Variants in HDX observed in about 807,000 individuals in gnomAD.
HDX encodes the protein highly divergent homeobox, also known as chromosome X open reading frame 43.
A neutral mutation model predicts 45.2 loss-of-function variants in HDX; 19 were observed. The ratio of observed to expected loss-of-function variants is 0.42; its 90% CI spans 0.29 to 0.62. The LOEUF is 0.62. Among genes scored for constraint, HDX ranks in the 20% least tolerant of loss-of-function variants. The pLI is 0.20. For synonymous variants in HDX, 188 were observed against 172.8 expected (o/e 1.09, Z -0.69); for missense variants, 532 against 493.9 (o/e 1.08, Z -0.73).
chrX:84,374,730 T>C (rs1234903130), intron 5 of HDX, among the ~76,000 whole-genome samples: 5 of 109,351 alleles, frequency 4.6e-5, no homozygotes, highest in Non-Finnish European at 9.5e-5. Context: ...TTACACCTTA[T>C]ACAAAAACTA....
chrX:84,484,537 C>T (rs764023583), intron 2 of HDX, among the ~76,000 whole-genome samples: 9 of 111,146 alleles, frequency 8.1e-5, no homozygotes, highest in Non-Finnish European at 1.5e-4. Flanking sequence ...ACAGGTCCCG[C>T]CCACAACACA....
chrX:84,439,493 C>T (rs2039714880), intron 5 of HDX, among the ~76,000 whole-genome samples: 1 of 110,826 alleles, frequency 9.0e-6, no homozygotes, highest in Non-Finnish European at 1.9e-5. Flanking sequence ...CAATGTTGAG[C>T]AGGGTATTCC....
At chrX:84,443,968 T>G (rs1192938262) in intron 4 of HDX, among the ~76,000 whole-genome samples, 1 of 111,535 alleles carries the variant, frequency 9.0e-6, no homozygotes, top group African/African-American at 3.2e-5. Context: ...ATAAGACAGG[T>G]ACATGAATGT....
rs185920861 is a variant in HDX at position 84,364,389 on chromosome X, C to T, written c.1306-2777G>A. ...CTCAGTCTTTTTTTAGTGACAAGAA[C>T]ACAATGTGACATCAACCTTCCTAAC... is the stretch of plus-strand genomic sequence containing the variant. On this transcript the variant is annotated intron_variant, in intron 5 of 10. Coordinates refer to ENST00000373177, the MANE Select transcript of HDX (RefSeq NM_001177479.2). Among the ~76,000 whole-genome samples, 42 of 107,687 alleles carry T rather than the reference C, an allele frequency of 3.9e-4. No individual in the cohort carries two copies. The East Asian group carries it at 0.011, about 29-fold the overall frequency. The allele number at this position is 107,687 out of a possible 115,157, so 93.5% of individuals were successfully genotyped here. A position where few individuals can be genotyped will look rare whatever the true frequency, so the allele number is the denominator to read the frequency against.
Position 84,461,821 on chromosome X carries a change from A to G in HDX, c.1251+6651T>C, listed in dbSNP as rs189359219. Among the ~76,000 whole-genome samples the G allele has an allele frequency of 2.0e-3, 221 of 112,334 alleles. 2 individuals carry two copies. The highest frequency in any genetic ancestry group is 6.9e-3 in the African/African-American group (214 of 31,011). On this transcript the variant is annotated intron_variant, in intron 4 of 10. Transcript: ENST00000373177. Reference sequence around the variant, plus strand: ...TAAGGAGCTCAAACAACTCTATAAGAAAAAAATCTAACAATCTGATTAAGT... The same window carrying G: ...TAAGGAGCTCAAACAACTCTATAAGGAAAAAATCTAACAATCTGATTAAGT...
intron 2 of HDX, among the ~76,000 whole-genome samples, chrX:84,482,431 G>A (rs1167767721): frequency 9.0e-6 from 1 of 111,614 alleles, no homozygotes; most frequent in Non-Finnish European, 1.9e-5. Flanking sequence ...AATCATGGCA[G>A]AAGGGAAAGC....
At chrX:84,461,659 A>C (rs779884063) in intron 4 of HDX, among the ~76,000 whole-genome samples, 1 of 112,023 alleles carries the variant, frequency 8.9e-6, no homozygotes, top group Admixed American at 9.5e-5. Flanking sequence ...GCAAAAATGG[A>C]CAAATGGGAT....
chrX:84,476,572 AAAAG>A (rs1300570391), intron 2 of HDX, among the ~76,000 whole-genome samples: 5 of 107,016 alleles, frequency 4.7e-5, no homozygotes, highest in Non-Finnish European at 9.6e-5. Flanking sequence ...AAGAGGAAAG[AAAAG>A]AAAGGAAGGA....
chrX:84,418,205 A>G (rs2039159931), intron 5 of HDX, among the ~76,000 whole-genome samples: 1 of 112,018 alleles, frequency 8.9e-6, no homozygotes, highest in African/African-American at 3.2e-5. Context: ...AGAATCAGAG[A>G]AAAGTTACAC....
At chrX:84,445,861 A>C (rs1394167708) in intron 4 of HDX, among the ~76,000 whole-genome samples, 2 of 111,711 alleles carry the variant, frequency 1.8e-5, no homozygotes, top group South Asian at 3.7e-4. Flanking sequence ...GTGCTTAGAA[A>C]ACTATTAGCC....
intron 5 of HDX, among the ~76,000 whole-genome samples, chrX:84,405,251 C>G (rs73625982): frequency 0.07 from 7,715 of 110,083 alleles, 325 homozygotes; most frequent in African/African-American, 0.16. Flanking sequence ...CTAAGTCCAA[C>G]TTATTTTCTC....
chrX:84,356,393 T>C (rs2037484454), intron 6 of HDX, among the ~76,000 whole-genome samples: 1 of 111,270 alleles, frequency 9.0e-6, no homozygotes, highest in Non-Finnish European at 1.9e-5. Context: ...TTCCTTATTC[T>C]TTCATCTAAT....
At chrX:84,430,210 A>T (rs1334339082) in intron 5 of HDX, among the ~76,000 whole-genome samples, 1 of 110,709 alleles carries the variant, frequency 9.0e-6, no homozygotes, top group Non-Finnish European at 1.9e-5. Context: ...CTTCTGTACT[A>T]CTTTGGCTTC....
intron 1 of HDX, among the ~76,000 whole-genome samples, chrX:84,490,421 A>G (rs1343521377): frequency 2.7e-5 from 3 of 111,558 alleles, no homozygotes; most frequent in Non-Finnish European, 5.7e-5. Context: ...ATTGCTACAC[A>G]TTTTGCTTTT....
intron 7 of HDX, among the ~76,000 whole-genome samples, chrX:84,343,599 G>T (rs188678414): frequency 1.8e-5 from 2 of 110,940 alleles, no homozygotes; most frequent in East Asian, 5.7e-4. Flanking sequence ...TACAATGGAT[G>T]AATTTTATGA....
At chrX:84,332,121 C>G (rs1480010768) in intron 9 of HDX, among the ~76,000 whole-genome samples, 1 of 111,430 alleles carries the variant, frequency 9.0e-6, no homozygotes, top group Non-Finnish European at 1.9e-5. Context: ...ATCCTGAAAT[C>G]AGTAACAAGA....
intron 5 of HDX, among the ~76,000 whole-genome samples, chrX:84,364,804 G>A (rs1037591779): frequency 2.9e-4 from 32 of 110,501 alleles, no homozygotes; most frequent in African/African-American, 9.9e-4. Context: ...CTGCTCTCTG[G>A]TTCTATGAGT....
chrX:84,367,644 A>G (rs1187208986), intron 5 of HDX, among the ~76,000 whole-genome samples: 1 of 112,467 alleles, frequency 8.9e-6, no homozygotes, highest in East Asian at 2.8e-4. Flanking sequence ...AATGTGGCAC[A>G]TATATACCAT....
intron 4 of HDX, among the ~76,000 whole-genome samples, chrX:84,449,331 A>C (rs1202755803): frequency 1.8e-5 from 2 of 111,978 alleles, no homozygotes; most frequent in African/African-American, 6.5e-5. Context: ...CCACAAAGAG[A>C]TACAATGCTA....
Sources: allele counts gnomAD v4.1 joint callset (sites outside exome capture counted in the v4.1 genomes callset), GRCh38; gene constraint gnomAD v4.1.1; transcripts MANE v1.5; gene names NCBI Gene and HGNC (gene_info 2026-07-23, HGNC 2026-07-21).